Variants in OPCML observed in about 807,000 individuals in gnomAD.
The protein encoded by OPCML is opioid-binding protein/cell adhesion molecule.
Under a neutral mutation model 37.8 loss-of-function variants are expected in OPCML, and 13 were observed. The observed-to-expected ratio is 0.34, with a 90% CI of 0.22 to 0.55. OPCML has a LOEUF of 0.55. OPCML is among the 20% of genes least tolerant of loss of function. OPCML has a pLI of 0.91. For missense variants in OPCML, 341 were observed against 435.6 expected, an observed-to-expected ratio of 0.78 and a Z score of 1.93; for synonymous variants, 176 against 168.8, an observed-to-expected ratio of 1.04 and a Z score of -0.33.
In OPCML at chr11:132,685,114, T is replaced by C. The variant is rs555710142; in HGVS notation, c.147-27795A>G. On this transcript the variant is annotated intron_variant, in intron 2 of 7. Transcript: ENST00000524381. ...CAATGTAACTTTTAAATGGCTATCT[T>C]TGGATTTGATTTGCTCTAAAAAGTA... Among the ~76,000 whole-genome samples, 5 of 152,340 alleles carry C rather than the reference T, an allele frequency of 3.3e-5. No individual in the cohort carries two copies. The South Asian group carries it at 6.2e-4, about 19-fold the overall frequency.
chr11:133,086,105 G>A (rs2137043024), intron 1 of OPCML, among the ~76,000 whole-genome samples: 1 of 152,302 alleles, frequency 6.6e-6, no homozygotes, highest in East Asian at 1.9e-4. Context: ...TTTCAAATAT[G>A]CAGATCCAAA....
chr11:133,333,028 T>TTAG (rs928129324), intron 1 of OPCML, among the ~76,000 whole-genome samples: 8 of 151,476 alleles, frequency 5.3e-5, no homozygotes, highest in South Asian at 2.1e-4. Flanking sequence ...ATCTAATCTT[T>TTAG]TAGTAGTAGT....
At chr11:133,193,285 G>A (rs1334136667) in intron 1 of OPCML, among the ~76,000 whole-genome samples, 2 of 152,114 alleles carry the variant, frequency 1.3e-5, no homozygotes, top group East Asian at 3.9e-4. Flanking sequence ...CTTTTTAGTT[G>A]GCCAAGAGGA....
At chr11:132,540,471 G>C (rs2096353494) in intron 3 of OPCML, among the ~76,000 whole-genome samples, 1 of 152,266 alleles carries the variant, frequency 6.6e-6, no homozygotes, top group African/African-American at 2.4e-5. Flanking sequence ...AACTAGGTGA[G>C]TTGTGTGAAG....
At chr11:133,456,079 G>A (rs1946666311) in intron 1 of OPCML, among the ~76,000 whole-genome samples, 1 of 152,210 alleles carries the variant, frequency 6.6e-6, no homozygotes, top group African/African-American at 2.4e-5. Context: ...AACTCAGGCT[G>A]GTGGAAAACA....
At chr11:132,847,262 T>A (rs1381242882) in intron 2 of OPCML, among the ~76,000 whole-genome samples, 1 of 152,220 alleles carries the variant, frequency 6.6e-6, no homozygotes, top group Non-Finnish European at 1.5e-5. Context: ...TATATTATTT[T>A]GTTAAATATT....
intron 1 of OPCML, among the ~76,000 whole-genome samples, chr11:133,372,074 T>C (rs1944687431): frequency 6.6e-6 from 1 of 152,066 alleles, no homozygotes; most frequent in African/African-American, 2.4e-5. Flanking sequence ...AAGATACATT[T>C]AGATGGAAGG....
chr11:132,647,751 A>G (rs945575084), intron 3 of OPCML, among the ~76,000 whole-genome samples: 68 of 152,278 alleles, frequency 4.5e-4, no homozygotes, highest in Non-Finnish European at 7.9e-4. Flanking sequence ...AAATTCACAT[A>G]TAAGTGGAAC....
intron 4 of OPCML, among the ~76,000 whole-genome samples, chr11:132,492,815 A>C (rs1357861985): frequency 6.6e-6 from 1 of 152,220 alleles, no homozygotes; most frequent in Non-Finnish European, 1.5e-5. Context: ...AATTTCCAGA[A>C]GAGTGCCTGG....
intron 4 of OPCML, among the ~76,000 whole-genome samples, chr11:132,470,612 A>G (rs889634750): frequency 6.6e-6 from 1 of 152,188 alleles, no homozygotes; most frequent in Non-Finnish European, 1.5e-5. Flanking sequence ...TAAAAGCAGT[A>G]ATAATAGCAG....
intron 1 of OPCML, chr11:133,422,996 C>T: frequency 1.0e-6 from 1 of 985,332 alleles, no homozygotes; most frequent in Non-Finnish European, 1.2e-6. Flanking sequence ...AAGTGCCTTA[C>T]TTCCTTCTTC....
chr11:132,895,708 G>A (rs1314365588), intron 2 of OPCML, among the ~76,000 whole-genome samples: 1 of 152,130 alleles, frequency 6.6e-6, no homozygotes, highest in Non-Finnish European at 1.5e-5. Context: ...TTCCATCTCT[G>A]TCTGAAGGAG....
At chr11:133,073,935 G>A (rs897813846) in intron 1 of OPCML, among the ~76,000 whole-genome samples, 1 of 152,150 alleles carries the variant, frequency 6.6e-6, no homozygotes, top group Non-Finnish European at 1.5e-5. Flanking sequence ...TCACAGAAGT[G>A]GTAAATAGCA....
intron 2 of OPCML, 26 bp downstream of exon 2, chr11:132,942,900 G>C: frequency 1.2e-6 from 2 of 1,613,464 alleles, no homozygotes; most frequent in Non-Finnish European, 1.7e-6. Flanking sequence ...CAGGGGCTCG[G>C]CCCCCGCGGA....
intron 7 of OPCML, 35 bp from the exon 8 acceptor site, chr11:132,420,328 T>C (rs772191754): frequency 1.2e-6 from 2 of 1,611,388 alleles, no homozygotes; most frequent in East Asian, 4.5e-5. Context: ...CCCATTAGCA[T>C]ACACCCAAGG....
chr11:133,123,429 C>T (rs1949450849), intron 1 of OPCML, among the ~76,000 whole-genome samples: 1 of 152,060 alleles, frequency 6.6e-6, no homozygotes, highest in African/African-American at 2.4e-5. Context: ...TTATTGTTTG[C>T]CCTGGTGGAA....
intron 3 of OPCML, among the ~76,000 whole-genome samples, chr11:132,593,370 T>G (rs774471859): frequency 1.3e-5 from 2 of 152,206 alleles, no homozygotes; most frequent in Non-Finnish European, 2.9e-5. Flanking sequence ...GCAAAGAGCA[T>G]GCATTGTATT....
chr11:132,898,818 T>C (rs1037897711), intron 2 of OPCML, among the ~76,000 whole-genome samples: 2 of 151,810 alleles, frequency 1.3e-5, no homozygotes, highest in Admixed American at 6.6e-5. Context: ...AATGATTCCA[T>C]TGAACTGGAA....
At chr11:132,925,736 G>T (rs550262998) in intron 2 of OPCML, among the ~76,000 whole-genome samples, 51 of 152,196 alleles carry the variant, frequency 3.4e-4, no homozygotes, top group Non-Finnish European at 6.8e-4. Flanking sequence ...TTAAGGTAGT[G>T]GCCTTATCCT....
Sources: gnomAD v4.1 joint callset for allele counts (sites outside exome capture counted in the v4.1 genomes callset) on GRCh38, gnomAD v4.1.1 for gene constraint, MANE v1.5 for transcripts, NCBI Gene and HGNC (gene_info 2026-07-23, HGNC 2026-07-21) for gene names.